The following CCSER1 variants were observed in gnomAD, a reference collection of about 807,000 sequenced individuals.
CCSER1 encodes the protein coiled-coil serine rich protein 1.
Under a neutral mutation model 82.0 loss-of-function variants are expected in CCSER1, and 41 were observed. That is an observed-to-expected ratio of 0.50 (90% confidence interval 0.39 to 0.65). CCSER1 has a LOEUF of 0.65. Among genes scored for constraint, CCSER1 ranks in the 30% least tolerant of loss-of-function variants. The pLI, the probability that CCSER1 is intolerant of heterozygous loss-of-function variation, is 0.00. For missense variants in CCSER1, 1,119 were observed against 1,064.2 expected (o/e 1.05, Z -0.72); for synonymous variants, 414 against 383.9 (o/e 1.08, Z -0.92).
chr4:90,915,704 A>T (rs867668591), intron 8 of CCSER1, among the ~76,000 whole-genome samples: 1 of 122,200 alleles, frequency 8.2e-6, no homozygotes, highest in Non-Finnish European at 1.6e-5. Context: ...GTATTCAATT[A>T]GGAAAGGAGG....
intron 5 of CCSER1, among the ~76,000 whole-genome samples, chr4:90,592,736 T>C (rs1429781122): frequency 3.3e-5 from 5 of 152,130 alleles, no homozygotes; most frequent in African/African-American, 1.2e-4. Flanking sequence ...TAGGGGAATT[T>C]AAAGTTCCCA....
rs1044992239 is a variant in CCSER1 at position 91,012,123 on chromosome 4, A to G, written c.2173-73827A>G. Among the ~76,000 whole-genome samples the G allele has an allele frequency of 2.2e-5, 3 of 134,644 alleles. 1 individual carries two copies. Among genetic ancestry groups the G allele is most frequent in the Non-Finnish European group, 1.7e-5 (1 of 57,758 alleles). 88.3% of individuals were successfully genotyped at this position (134,644 alleles called of 152,430 possible). Reference sequence around the variant, plus strand: ...CAAGGCACCAGTTTTCTAAGAGGCAATGTGCCACTTCAGCCCAGGCTCAGG... The same window carrying G: ...CAAGGCACCAGTTTTCTAAGAGGCAGTGTGCCACTTCAGCCCAGGCTCAGG... On this transcript the variant is annotated intron_variant, in intron 9 of 10. Coordinates refer to ENST00000509176, the MANE Select transcript of CCSER1 (RefSeq NM_001145065.2).
In CCSER1 at chr4:90,527,313, A is replaced by G. The variant is rs945622591; in HGVS notation, c.1724+58959A>G. Among the ~76,000 whole-genome samples, 145 of 152,352 alleles carry G rather than the reference A, an allele frequency of 9.5e-4. 2 individuals are homozygous for G. Among genetic ancestry groups the G allele is most frequent in the East Asian group, 1.9e-3 (10 of 5,186 alleles). ...ATGAACAGACGCTTCTCAAAAGAAG[A>G]TATTTATGTGGCCAACAAACATGTG... On this transcript the variant is annotated intron_variant, in intron 5 of 10. Transcript: ENST00000509176.
At chr4:91,050,532 C>T (rs937715205) in intron 9 of CCSER1, among the ~76,000 whole-genome samples, 2 of 152,028 alleles carry the variant, frequency 1.3e-5, no homozygotes, top group Non-Finnish European at 2.9e-5. Flanking sequence ...TAATGCCTTT[C>T]CGTGTCACAA....
Position 90,702,422 on chromosome 4 carries a change from T to A in CCSER1, c.1933-21492T>A, listed in dbSNP as rs181688864. 8.7e-4 allele frequency among the ~76,000 whole-genome samples: 132 copies of A among 152,244 alleles called. No homozygotes were observed. The East Asian group carries it at 0.012, about 13-fold the overall frequency. On this transcript the variant is annotated intron_variant, in intron 6 of 10. Coordinates refer to ENST00000509176, the MANE Select transcript of CCSER1 (RefSeq NM_001145065.2). ...CATCGATGTTCATCAGGGATATTGG[T>A]CTAAAATTCTCTTTTTTTGTTTTGT...
At chr4:90,809,498 C>T (rs1025386527) in intron 7 of CCSER1, among the ~76,000 whole-genome samples, 5 of 151,920 alleles carry the variant, frequency 3.3e-5, no homozygotes, top group African/African-American at 1.2e-4. Context: ...GTATGCAAAG[C>T]CAGAGTGATA....
chr4:90,599,011 G>A (rs568860402), intron 5 of CCSER1, among the ~76,000 whole-genome samples: 2 of 152,212 alleles, frequency 1.3e-5, no homozygotes, highest in African/African-American at 4.8e-5. Flanking sequence ...GAACGTGATA[G>A]TGCAGTGGCA....
At chr4:91,246,175 C>T (rs1739757825) in intron 10 of CCSER1, among the ~76,000 whole-genome samples, 1 of 152,050 alleles carries the variant, frequency 6.6e-6, no homozygotes, top group South Asian at 2.1e-4. Flanking sequence ...ATAAACAGTA[C>T]AATTAAAATA....
intron 5 of CCSER1, among the ~76,000 whole-genome samples, chr4:90,578,997 T>C (rs886631548): frequency 2.0e-5 from 3 of 152,160 alleles, no homozygotes; most frequent in African/African-American, 4.8e-5. Flanking sequence ...ATAAAGTATA[T>C]AAATATTATG....
chr4:90,164,271 T>C (rs1401817850), intron 1 of CCSER1, among the ~76,000 whole-genome samples: 4 of 149,332 alleles, frequency 2.7e-5, no homozygotes, highest in Middle Eastern at 3.2e-3. Context: ...TTTTTTTTTT[T>C]CTTCAAATTT....
At chr4:90,447,558 TTTAA>T (rs1277113723) in intron 4 of CCSER1, among the ~76,000 whole-genome samples, 1 of 152,232 alleles carries the variant, frequency 6.6e-6, no homozygotes, top group African/African-American at 2.4e-5. Context: ...GTGTTGTTTA[TTTAA>T]TTAAGTCACA....
intron 7 of CCSER1, among the ~76,000 whole-genome samples, chr4:90,757,328 G>T (rs1016554597): frequency 5.3e-5 from 8 of 152,188 alleles, no homozygotes; most frequent in African/African-American, 1.7e-4. Flanking sequence ...CAAAGTTACT[G>T]TCCTTTTAAA....
At chr4:91,142,499 T>C (rs1412697861) in intron 10 of CCSER1, among the ~76,000 whole-genome samples, 1 of 152,182 alleles carries the variant, frequency 6.6e-6, no homozygotes, top group Non-Finnish European at 1.5e-5. Context: ...TTGTTTTTGT[T>C]GTGATTGCTT....
At position 90,247,008 on chromosome 4, in the gene CCSER1, A is replaced by C. The variant is rs1250289984; in HGVS notation, c.-41-61236A>C. 3.3e-5 allele frequency among the ~76,000 whole-genome samples: 5 copies of C among 152,270 alleles called. No individual in the cohort carries two copies. The South Asian group carries it at 6.2e-4, about 19-fold the overall frequency. On this transcript the variant is annotated intron_variant, in intron 1 of 10. Transcript: ENST00000509176. ...AAAAAGGTTCTTTGAACACAAGCAC[A>C]GTTGATATGATAACCTACTCAGCTA...
intron 8 of CCSER1, among the ~76,000 whole-genome samples, chr4:90,836,901 A>G (rs1218672507): frequency 6.6e-6 from 1 of 152,278 alleles, no homozygotes; most frequent in East Asian, 1.9e-4. Flanking sequence ...CTCAAGAAAC[A>G]AGTAACTTCA....
intron 6 of CCSER1, among the ~76,000 whole-genome samples, chr4:90,710,815 T>C (rs1451729668): frequency 6.6e-6 from 1 of 152,180 alleles, no homozygotes; most frequent in Non-Finnish European, 1.5e-5. Flanking sequence ...CTATTTATGC[T>C]CTTTTTTGGT....
At chr4:91,411,170 G>C (rs1177051464) in intron 10 of CCSER1, among the ~76,000 whole-genome samples, 1 of 151,418 alleles carries the variant, frequency 6.6e-6, no homozygotes, top group African/African-American at 2.4e-5. Context: ...ATAATATTTT[G>C]ACATGAGAGG....
intron 7 of CCSER1, chr4:90,780,543 A>C (rs532653698): frequency 6.3e-7 from 1 of 1,580,952 alleles, no homozygotes; most frequent in Admixed American, 1.9e-5. Flanking sequence ...AAAGTTGAAG[A>C]TGAAAGGAAA....
At chr4:91,533,192 TA>T (rs1325408161) in intron 10 of CCSER1, among the ~76,000 whole-genome samples, 2 of 152,198 alleles carry the variant, frequency 1.3e-5, no homozygotes, top group African/African-American at 4.8e-5. Context: ...TCAGAGGGAT[TA>T]TTTTATATCA....
Sources: allele counts gnomAD v4.1 joint callset (sites outside exome capture counted in the v4.1 genomes callset), GRCh38; gene constraint gnomAD v4.1.1; transcripts MANE v1.5; gene names NCBI Gene and HGNC (gene_info 2026-07-23, HGNC 2026-07-21).